The following HECW1 variants were observed in gnomAD, a reference collection of about 807,000 sequenced individuals.
HECW1 encodes E3 ubiquitin-protein ligase HECW1.
In HECW1, 61 loss-of-function variants were observed where a neutral mutation model predicts 182.3. That is an observed-to-expected ratio of 0.33 (90% CI 0.27 to 0.41). The LOEUF is 0.41. Ranked by LOEUF, HECW1 falls within the 10% of genes least tolerant of loss-of-function variation. HECW1 has a pLI of 1.00. For missense variants in HECW1, 1,739 were observed against 2,108.9 expected, an observed-to-expected ratio of 0.82 and a Z score of 3.44; for synonymous variants, 859 against 832.6, an observed-to-expected ratio of 1.03 and a Z score of -0.55.
intron 9 of HECW1, chr7:43,439,754 C>CGGCTT (rs1226585814): frequency 6.6e-6 from 1 of 152,302 alleles, no homozygotes; most frequent in African/African-American, 2.4e-5. Context: ...CCCTCCAAGC[C>CGGCTT]TCCCACTGTG....
chr7:43,539,406 G>A (rs2081286895), intron 24 of HECW1, among the ~76,000 whole-genome samples: 2 of 152,316 alleles, frequency 1.3e-5, no homozygotes, highest in Admixed American at 6.5e-5. Context: ...ATCAATTTTG[G>A]AGATAGTCCT....
intron 5 of HECW1, among the ~76,000 whole-genome samples, chr7:43,334,296 G>T (rs567149829): frequency 3.9e-5 from 6 of 152,148 alleles, no homozygotes; most frequent in Non-Finnish European, 5.9e-5. Flanking sequence ...ATTGTCAAAT[G>T]GTGCCAGCTA....
intron 5 of HECW1, among the ~76,000 whole-genome samples, chr7:43,353,407 C>A (rs942200903): frequency 2.0e-5 from 3 of 152,128 alleles, no homozygotes; most frequent in Non-Finnish European, 4.4e-5. Context: ...CCAACAACTT[C>A]TCAGAAGAGT....
chr7:43,495,831 T>C (rs2079099105), intron 19 of HECW1, among the ~76,000 whole-genome samples: 1 of 152,166 alleles, frequency 6.6e-6, no homozygotes, highest in Non-Finnish European at 1.5e-5. Context: ...TTTCCAGGGA[T>C]GTTGTATTAT....
chr7:43,203,191 T>TCA (rs1795170248), intron 2 of HECW1, among the ~76,000 whole-genome samples: 1 of 152,158 alleles, frequency 6.6e-6, no homozygotes. Flanking sequence ...TTTATACTTA[T>TCA]TATATTTCAA....
At chr7:43,345,205 A>G (rs899474892) in intron 5 of HECW1, among the ~76,000 whole-genome samples, 1 of 152,208 alleles carries the variant, frequency 6.6e-6, no homozygotes, top group Non-Finnish European at 1.5e-5. Flanking sequence ...ATGCATATTG[A>G]AAAACATGTA....
At chr7:43,185,913 A>G (rs11970848) in intron 2 of HECW1, among the ~76,000 whole-genome samples, 1,895 of 152,240 alleles carry the variant, frequency 0.012, 34 homozygotes, top group African/African-American at 0.042. Context: ...CTGAAAATTT[A>G]ACAATCTTCT....
chr7:43,474,066 T>C (rs2078124728), intron 16 of HECW1, among the ~76,000 whole-genome samples: 1 of 152,016 alleles, frequency 6.6e-6, no homozygotes, highest in African/African-American at 2.4e-5. Context: ...AGTTTAGAAA[T>C]AAAAGAATAA....
intron 3 of HECW1, among the ~76,000 whole-genome samples, chr7:43,278,879 T>C (rs902864454): frequency 2.0e-5 from 3 of 152,170 alleles, no homozygotes; most frequent in Admixed American, 2.0e-4. Flanking sequence ...CTTTCTAATA[T>C]AGATTATAAT....
rs375633706 is a variant in HECW1, at chr7:43,315,860, A to G, written c.352+3773A>G. 6.6e-5 allele frequency among the ~76,000 whole-genome samples: 10 copies of G among 152,260 alleles called. No homozygotes were observed. In the East Asian group the frequency reaches 1.2e-3, roughly 18 times the overall value. On this transcript the variant is annotated intron_variant, in intron 4 of 29. Transcript: ENST00000395891. ...GAGAATCCTGGGAGATTTTTTCCCA[A>G]GATTTGGTTGTCAGAAAGCATGAAT... is the stretch of plus-strand genomic sequence containing the variant.
intron 8 of HECW1, among the ~76,000 whole-genome samples, chr7:43,430,365 T>A (rs1386448752): frequency 6.6e-6 from 1 of 152,194 alleles, no homozygotes; most frequent in African/African-American, 2.4e-5. Flanking sequence ...TTTCCTTTTA[T>A]AATATCAACA....
intron 17 of HECW1, among the ~76,000 whole-genome samples, chr7:43,485,817 C>T (rs774867042): frequency 3.9e-4 from 59 of 152,108 alleles, no homozygotes; most frequent in Admixed American, 6.6e-5. Context: ...CATTACTGTA[C>T]ACTAATGTAG....
chr7:43,369,673 T>C (rs1172105563), intron 6 of HECW1, among the ~76,000 whole-genome samples: 1 of 152,178 alleles, frequency 6.6e-6, no homozygotes, highest in Non-Finnish European at 1.5e-5. Context: ...TTGACATGAA[T>C]ATATCCAGTG....
At chr7:43,231,488 T>A (rs969422199) in intron 2 of HECW1, among the ~76,000 whole-genome samples, 1 of 152,230 alleles carries the variant, frequency 6.6e-6, no homozygotes, top group African/African-American at 2.4e-5. Flanking sequence ...TCACGGAGAC[T>A]CACTGCTTGC....
At chr7:43,458,091 G>A (rs1303978500) in intron 13 of HECW1, among the ~76,000 whole-genome samples, 1 of 152,192 alleles carries the variant, frequency 6.6e-6, no homozygotes, top group Non-Finnish European at 1.5e-5. Context: ...CCATGGGAGA[G>A]TCCTTTCATG....
intron 29 of HECW1, among the ~76,000 whole-genome samples, chr7:43,560,189 T>C (rs1228732072): frequency 7.9e-5 from 12 of 152,206 alleles, no homozygotes. Context: ...TCTAGTTTCA[T>C]TGCAATCTTT....
intron 24 of HECW1, among the ~76,000 whole-genome samples, chr7:43,537,207 A>G (rs967284382): frequency 6.6e-6 from 1 of 152,228 alleles, no homozygotes; most frequent in African/African-American, 2.4e-5. Context: ...GGGGCCCGGT[A>G]TTTAAGTAAC....
chr7:43,400,839 G>C (rs2075380550), intron 7 of HECW1, among the ~76,000 whole-genome samples: 2 of 152,196 alleles, frequency 1.3e-5, no homozygotes, highest in African/African-American at 4.8e-5. Flanking sequence ...AAATCAAGCT[G>C]TCAGCCAGGC....
At chr7:43,479,936 A>G (rs2078361165) in intron 17 of HECW1, among the ~76,000 whole-genome samples, 192 bp downstream of exon 17, 1 of 152,140 alleles carries the variant, frequency 6.6e-6, no homozygotes, top group African/African-American at 2.4e-5. Context: ...GTCTTCAGTT[A>G]CCTTTTCTGC....
Sources: gnomAD v4.1 joint callset for allele counts (sites outside exome capture counted in the v4.1 genomes callset) on GRCh38, gnomAD v4.1.1 for gene constraint, MANE v1.5 for transcripts, NCBI Gene and HGNC (gene_info 2026-07-23, HGNC 2026-07-21) for gene names.